Variants in ATXN2 observed in about 807,000 individuals in gnomAD.
ATXN2 encodes ataxin 2.
Under a neutral mutation model 138.6 loss-of-function variants are expected in ATXN2, and 37 were observed. The observed-to-expected ratio is 0.27, with a 90% CI of 0.21 to 0.35. ATXN2 has a LOEUF of 0.35. Ranked by LOEUF, ATXN2 falls within the 10% of genes least tolerant of loss-of-function variation. The probability of loss-of-function intolerance (pLI) is 1.00; values close to 1 mark genes in which losing one functional copy is unlikely to be tolerated. For missense variants in ATXN2, 1,216 were observed against 1,480.3 expected (o/e 0.82, Z 2.93); for synonymous variants, 549 against 543.7 (o/e 1.01, Z -0.13).
intron 5 of ATXN2, among the ~76,000 whole-genome samples, chr12:111,546,109 A>G (rs1881787139): frequency 6.6e-6 from 1 of 152,234 alleles, no homozygotes; most frequent in African/African-American, 2.4e-5. Flanking sequence ...CTGTTAAGCA[A>G]AAGTAATTCT....
intron 1 of ATXN2, among the ~76,000 whole-genome samples, chr12:111,570,624 TCTTCATGGCCTTA>T (rs954610578): frequency 7.9e-5 from 12 of 152,102 alleles, no homozygotes; most frequent in African/African-American, 2.9e-4. Context: ...CTTCCTCCTC[TCTTCATGGCCTTA>T]CTGAAAACTG....
chr12:111,554,086 C>T, intron 3 of ATXN2, 72 bp downstream of exon 3: 1 of 1,011,506 alleles, frequency 9.9e-7, no homozygotes, highest in Non-Finnish European at 1.4e-6. Flanking sequence ...ATCATTTATC[C>T]ACATTTTAAC....
At chr12:111,550,426 G>T (rs1032868861) in intron 5 of ATXN2, among the ~76,000 whole-genome samples, 1 of 152,096 alleles carries the variant, frequency 6.6e-6, no homozygotes, top group Non-Finnish European at 1.5e-5. Context: ...GTAAATGGCT[G>T]TTAAATGACC....
intron 18 of ATXN2, among the ~76,000 whole-genome samples, chr12:111,484,613 T>C (rs1485321588): frequency 6.6e-6 from 1 of 152,144 alleles, no homozygotes; most frequent in Admixed American, 6.6e-5. Context: ...ATTTTTGTAT[T>C]TTAGTAGAGA....
At chr12:111,462,977 TACACACACAC>T (rs59710594) in intron 21 of ATXN2, among the ~76,000 whole-genome samples, 34 of 147,740 alleles carry the variant, frequency 2.3e-4, no homozygotes, top group Admixed American at 1.6e-3. Context: ...TATATATATA[TACACACACAC>T]ACACACACAC....
At chr12:111,476,166 T>C (rs1876803628) in intron 18 of ATXN2, among the ~76,000 whole-genome samples, 1 of 152,188 alleles carries the variant, frequency 6.6e-6, no homozygotes, top group Non-Finnish European at 1.5e-5. Context: ...TCACCCAGGT[T>C]GGTCTTGAAC....
chr12:111,593,531 G>A (rs1229639269), intron 1 of ATXN2, among the ~76,000 whole-genome samples: 6 of 151,206 alleles, frequency 4.0e-5, no homozygotes, highest in African/African-American at 1.2e-4. Context: ...CCAAAAAAAG[G>A]AACACCATGA....
chr12:111,528,663 A>G (rs770230051), intron 5 of ATXN2, among the ~76,000 whole-genome samples: 3 of 152,222 alleles, frequency 2.0e-5, no homozygotes, highest in African/African-American at 7.2e-5. Flanking sequence ...GTGATTCTAT[A>G]AAGAATGATA....
At chr12:111,506,712 G>A (rs551273445) in intron 14 of ATXN2, among the ~76,000 whole-genome samples, 19 of 136,710 alleles carry the variant, frequency 1.4e-4, no homozygotes, top group East Asian at 9.6e-4. Flanking sequence ...CTCTGATGCC[G>A]AGCCGAAGCT....
intron 1 of ATXN2, among the ~76,000 whole-genome samples, chr12:111,587,741 A>T (rs924601491): frequency 6.6e-6 from 1 of 152,196 alleles, no homozygotes; most frequent in Non-Finnish European, 1.5e-5. Context: ...GGAGACCAAC[A>T]TTCTAAAGTT....
intron 18 of ATXN2, among the ~76,000 whole-genome samples, chr12:111,478,383 G>A (rs80248671): frequency 0.036 from 5,518 of 152,104 alleles, 316 homozygotes; most frequent in African/African-American, 0.13. Context: ...TCCAGCCTGG[G>A]CAATAGAGTG....
chr12:111,589,003 A>AAAC (rs1884495518), intron 1 of ATXN2, among the ~76,000 whole-genome samples: 1 of 115,246 alleles, frequency 8.7e-6, no homozygotes, highest in Admixed American at 7.8e-5. Context: ...AAAAAAAAAA[A>AAAC]AAAAAAAAAA....
intron 1 of ATXN2, among the ~76,000 whole-genome samples, chr12:111,589,411 T>C (rs1884531858): frequency 6.6e-6 from 1 of 152,062 alleles, no homozygotes; most frequent in Non-Finnish European, 1.5e-5. Context: ...GGAGGGCAAA[T>C]TGTTTGAGGT....
intron 6 of ATXN2, among the ~76,000 whole-genome samples, chr12:111,524,127 G>A (rs980490146): frequency 5.9e-5 from 9 of 152,142 alleles, no homozygotes; most frequent in Non-Finnish European, 1.3e-4. Context: ...TACAGGTGAC[G>A]TGATGTACAG....
chr12:111,473,832 G>T (rs377040071), intron 18 of ATXN2, among the ~76,000 whole-genome samples: 1 of 151,804 alleles, frequency 6.6e-6, no homozygotes, highest in East Asian at 1.9e-4. Context: ...GATTACAGGG[G>T]ACAGAAGTCT....
intron 1 of ATXN2, among the ~76,000 whole-genome samples, chr12:111,576,127 T>C (rs1297045038): frequency 5.7e-5 from 8 of 140,042 alleles, no homozygotes; most frequent in Non-Finnish European, 8.9e-5. Context: ...TAACATAACA[T>C]AACATAACAT....
At chr12:111,485,658 G>C in intron 17 of ATXN2, 55 bp downstream of exon 17, 1 of 1,593,498 alleles carries the variant, frequency 6.3e-7, no homozygotes, top group African/African-American at 1.3e-5. Context: ...AGAGTGCTTG[G>C]TGTCAGATAC....
intron 14 of ATXN2, among the ~76,000 whole-genome samples, chr12:111,507,203 C>A (rs1420170558): frequency 2.6e-5 from 4 of 151,946 alleles, no homozygotes; most frequent in Middle Eastern, 6.8e-3. Flanking sequence ...GGCCGCCATC[C>A]CGTCTAGGAA....
At chr12:111,535,293 G>C (rs1343896560) in intron 5 of ATXN2, among the ~76,000 whole-genome samples, 1 of 152,168 alleles carries the variant, frequency 6.6e-6, no homozygotes, top group Non-Finnish European at 1.5e-5. Flanking sequence ...TAGTTAGTAA[G>C]GTAGATTCTT....
Sources: gnomAD v4.1 joint callset for allele counts (sites outside exome capture counted in the v4.1 genomes callset) on GRCh38, gnomAD v4.1.1 for gene constraint, MANE v1.5 for transcripts, NCBI Gene and HGNC (gene_info 2026-07-23, HGNC 2026-07-21) for gene names.